CGNL1: variants seen among roughly 807,000 people sequenced by gnomAD.
CGNL1 encodes the protein cingulin like 1.
In CGNL1, 132 loss-of-function variants were observed where a neutral mutation model predicts 141.2. The observed-to-expected ratio is 0.93, with a 90% CI of 0.81 to 1.08. The LOEUF (loss-of-function observed/expected upper bound fraction) is 1.08, where lower values mean the gene tolerates loss of function less well. Among genes scored for constraint, CGNL1 ranks in the 50% least tolerant of loss-of-function variants. The probability of loss-of-function intolerance (pLI) is 0.00; values close to 1 mark genes in which losing one functional copy is unlikely to be tolerated. For missense variants in CGNL1, 1,870 were observed against 1,588.6 expected (o/e 1.18, Z -3.01); for synonymous variants, 690 against 622.1 (o/e 1.11, Z -1.63).
intron 1 of CGNL1, chr15:57,405,307 T>C (rs2062703545): frequency 6.6e-6 from 1 of 152,274 alleles, no homozygotes; most frequent in Non-Finnish European, 1.5e-5. Context: ...GTTTCCCTAC[T>C]CTTGAGCGGG....
intron 8 of CGNL1, among the ~76,000 whole-genome samples, chr15:57,516,201 C>T (rs2030784338): frequency 2.0e-5 from 3 of 151,266 alleles, no homozygotes; most frequent in Non-Finnish European, 2.9e-5. Context: ...AGAGACCCTG[C>T]CCATGCAAAT....
chr15:57,473,229 A>C (rs1035296890), intron 8 of CGNL1, among the ~76,000 whole-genome samples: 13 of 152,178 alleles, frequency 8.5e-5, no homozygotes, highest in African/African-American at 2.9e-4. Flanking sequence ...TGGAAATCCT[A>C]TTCAATCTAT....
intron 8 of CGNL1, among the ~76,000 whole-genome samples, chr15:57,475,742 C>T (rs1295353485): frequency 6.6e-6 from 1 of 152,114 alleles, no homozygotes; most frequent in African/African-American, 2.4e-5. Context: ...CCTGTGCTCT[C>T]TCACTGGATT....
chr15:57,481,086 T>TA (rs1555442413), intron 8 of CGNL1, among the ~76,000 whole-genome samples: 2 of 146,798 alleles, frequency 1.4e-5, no homozygotes, highest in African/African-American at 5.2e-5. Context: ...TTTTTTTTTT[T>TA]AAAGATGGGC....
intron 1 of CGNL1, among the ~76,000 whole-genome samples, chr15:57,379,249 C>T (rs779587138): frequency 6.6e-6 from 1 of 152,250 alleles, no homozygotes; most frequent in African/African-American, 2.4e-5. Context: ...CTCTACCCCC[C>T]CAAAAAGAAA....
chr15:57,530,694 G>A (rs1343672476), intron 13 of CGNL1, among the ~76,000 whole-genome samples: 1 of 152,188 alleles, frequency 6.6e-6, no homozygotes, highest in African/African-American at 2.4e-5. Flanking sequence ...TGGCTCCTGG[G>A]TGAGGGTTTT....
At chr15:57,446,946 C>A (rs1331942104) in intron 4 of CGNL1, among the ~76,000 whole-genome samples, 1 of 152,006 alleles carries the variant, frequency 6.6e-6, no homozygotes. Flanking sequence ...CTTTAGTAAG[C>A]CTTCAGATCT....
chr15:57,483,001 G>A (rs1395054216), intron 8 of CGNL1, among the ~76,000 whole-genome samples: 1 of 152,182 alleles, frequency 6.6e-6, no homozygotes, highest in Non-Finnish European at 1.5e-5. Flanking sequence ...TGCCCAGGCT[G>A]ATCTTGAACT....
At chr15:57,536,338 T>G (rs2032258328) in intron 14 of CGNL1, among the ~76,000 whole-genome samples, 1 of 152,190 alleles carries the variant, frequency 6.6e-6, no homozygotes, top group African/African-American at 2.4e-5. Flanking sequence ...TATCACAGCC[T>G]TTCTAAGGGC....
intron 1 of CGNL1, among the ~76,000 whole-genome samples, chr15:57,394,306 G>A (rs1353417492): frequency 6.6e-6 from 1 of 151,820 alleles, no homozygotes; most frequent in Non-Finnish European, 1.5e-5. Context: ...TGTATTTTTA[G>A]TAGAGATGGG....
intron 1 of CGNL1, among the ~76,000 whole-genome samples, chr15:57,386,998 T>C (rs2062491135): frequency 1.3e-5 from 2 of 152,128 alleles, no homozygotes; most frequent in Non-Finnish European, 2.9e-5. Context: ...ACACTCACAA[T>C]GTTGTGCAAC....
Position 57,464,915 on chromosome 15 carries a change from A to G in CGNL1, c.2403+3023A>G, listed in dbSNP as rs537017169. 2.8e-4 allele frequency among the ~76,000 whole-genome samples: 42 copies of G among 151,804 alleles called. No homozygotes were observed. The Middle Eastern group carries it at 0.01, about 37-fold the overall frequency. Reference sequence around the variant, plus strand: ...CAGGCATGTGCCACCACGCCTGGCTAGTTTTTTTGTATTTTTAGTAGAGAT... The same window carrying G: ...CAGGCATGTGCCACCACGCCTGGCTGGTTTTTTTGTATTTTTAGTAGAGAT... On this transcript the variant is annotated intron_variant, in intron 8 of 18. Coordinates refer to ENST00000281282, the MANE Select transcript of CGNL1 (RefSeq NM_032866.5).
At chr15:57,447,018 A>C (rs2063261386) in intron 4 of CGNL1, among the ~76,000 whole-genome samples, 1 of 151,970 alleles carries the variant, frequency 6.6e-6, no homozygotes, top group South Asian at 2.1e-4. Context: ...TTTCCATATA[A>C]ACTTTTATCA....
chr15:57,475,483 T>C (rs2063640670), intron 8 of CGNL1, among the ~76,000 whole-genome samples: 1 of 149,608 alleles, frequency 6.7e-6, no homozygotes, highest in Non-Finnish European at 1.5e-5. Context: ...TCTATGTATA[T>C]ACAAGTGTGG....
chr15:57,402,898 G>A (rs577493978), intron 1 of CGNL1, among the ~76,000 whole-genome samples: 1 of 152,270 alleles, frequency 6.6e-6, no homozygotes, highest in East Asian at 1.9e-4. Flanking sequence ...AGGGCTACAG[G>A]CTTGAATCAT....
Position 57,461,755 on chromosome 15 carries a change from C to T in CGNL1, c.2266C>T (p.Arg756Ter), listed in dbSNP as rs1189473579. 6 of 1,614,086 alleles carry T rather than the reference C, an allele frequency of 3.7e-6. No individual in the cohort carries two copies. Among genetic ancestry groups the T allele is most frequent in the Admixed American group, 1.7e-5 (1 of 60,028 alleles). ...KEEQEDLLRK[R>*]ERELTALKGA... ...GGAGCAAGAAGACCTCTTGAGAAAG[C>T]GAGAGCGTGAACTCACCGCCCTGAA... The change falls in exon 8 of 19, where the codon CGA becomes TGA. Residue 756 changes from arginine to a stop codon, truncating the protein, a stop_gained. Coordinates refer to ENST00000281282, the MANE Select transcript of CGNL1 (RefSeq NM_032866.5). LOFTEE classifies it high-confidence loss of function.
At chr15:57,461,564 G>C in intron 7 of CGNL1, 116 bp from the exon 8 acceptor site, 1 of 808,824 alleles carries the variant, frequency 1.2e-6, no homozygotes, top group South Asian at 1.5e-5. Context: ...GAAGGAGAGA[G>C]TGGCAAGGCC....
intron 8 of CGNL1, among the ~76,000 whole-genome samples, chr15:57,486,150 G>A (rs2063782554): frequency 6.6e-6 from 1 of 152,166 alleles, no homozygotes; most frequent in Non-Finnish European, 1.5e-5. Flanking sequence ...CAGGGCAGGG[G>A]CAGGCTCACC....
intron 12 of CGNL1, 92 bp from the exon 13 acceptor site, chr15:57,528,562 C>T: frequency 2.3e-6 from 3 of 1,306,648 alleles, no homozygotes; most frequent in Non-Finnish European, 3.2e-6. Context: ...AGCTGATCTT[C>T]CTTTTGGTGG....
Sources: gnomAD v4.1 joint callset for allele counts (sites outside exome capture counted in the v4.1 genomes callset) on GRCh38, gnomAD v4.1.1 for gene constraint, MANE v1.5 for transcripts, NCBI Gene and HGNC (gene_info 2026-07-23, HGNC 2026-07-21) for gene names.